The following CSMD1 variants were observed in gnomAD, a reference collection of about 807,000 sequenced individuals.
The protein encoded by CSMD1 is CUB and sushi domain-containing protein 1.
In CSMD1, 213 loss-of-function variants were observed where a neutral mutation model predicts 417.5. The ratio of observed to expected loss-of-function variants is 0.51; its 90% CI spans 0.46 to 0.57. The LOEUF (loss-of-function observed/expected upper bound fraction) is 0.57, where lower values mean the gene tolerates loss of function less well. Ranked by LOEUF, CSMD1 falls within the 20% of genes least tolerant of loss-of-function variation. The probability of loss-of-function intolerance (pLI) is 0.00; values close to 1 mark genes in which losing one functional copy is unlikely to be tolerated. For synonymous variants in CSMD1, 2,862 were observed against 1,736.8 expected (o/e 1.65, Z -16.11); for missense variants, 6,923 against 4,529.7 (o/e 1.53, Z -15.17).
rs114549135 is a variant in CSMD1 at position 3,576,157 on chromosome 8, G to A, written c.1223-1091C>T. ...CTCAGCTACAAAACTCAGCACAACA[G>A]GACTTGTGACTTAACAAGGGCTACT... On this transcript the variant is annotated intron_variant, in intron 9 of 69. Coordinates refer to ENST00000635120, the MANE Select transcript of CSMD1 (RefSeq NM_033225.6). Among the ~76,000 whole-genome samples, 1,087 of 152,046 alleles carry A rather than the reference G, an allele frequency of 7.1e-3. 14 individuals carry two copies. Among genetic ancestry groups the A allele is most frequent in the African/African-American group, 0.023 (974 of 41,452 alleles).
At chr8:3,419,424 G>C (rs1813350199) in intron 12 of CSMD1, among the ~76,000 whole-genome samples, 1 of 152,140 alleles carries the variant, frequency 6.6e-6, no homozygotes, top group East Asian at 1.9e-4. Flanking sequence ...TACTATTCTA[G>C]AATTTCTGTT....
intron 1 of CSMD1, among the ~76,000 whole-genome samples, chr8:4,648,485 G>T (rs990107375): frequency 6.6e-6 from 1 of 152,028 alleles, no homozygotes; most frequent in African/African-American, 2.4e-5. Context: ...ATGCATGCAT[G>T]CACACAAACA....
intron 23 of CSMD1, among the ~76,000 whole-genome samples, chr8:3,325,631 C>T (rs1054213926): frequency 6.6e-6 from 1 of 152,290 alleles, no homozygotes; most frequent in Non-Finnish European, 1.5e-5. Flanking sequence ...TGAGACCAGC[C>T]TGCTCAGCGT....
chr8:3,236,995 C>T (rs1424831892), intron 26 of CSMD1, among the ~76,000 whole-genome samples: 1 of 152,000 alleles, frequency 6.6e-6, no homozygotes, highest in East Asian at 1.9e-4. Flanking sequence ...AGGCTGCATC[C>T]AGAGCCATGC....
rs375492743 is a variant in CSMD1 at position 4,462,660 on chromosome 8, T to G, written c.303-42595A>C. ...GACACATGGATTAATGAAATAAAAT[T>G]CACGTTCCAGAGATAAAAACCACTG... is the stretch of plus-strand genomic sequence containing the variant. On this transcript the variant is annotated intron_variant, in intron 2 of 69. Coordinates refer to ENST00000635120, the MANE Select transcript of CSMD1 (RefSeq NM_033225.6). Among the ~76,000 whole-genome samples, 12 of 152,198 alleles carry G rather than the reference T, an allele frequency of 7.9e-5. No individual in the cohort carries two copies. The East Asian group carries it at 1.7e-3, about 22-fold the overall frequency.
In CSMD1 at chr8:4,739,262, A is replaced by G. The variant is rs62484601; in HGVS notation, c.86-101704T>C. Among the ~76,000 whole-genome samples the G allele has an allele frequency of 7.4e-3, 1,131 of 152,312 alleles. 11 individuals carry two copies. Among genetic ancestry groups the G allele is most frequent in the Middle Eastern group, 0.027 (8 of 294 alleles). On this transcript the variant is annotated intron_variant, in intron 1 of 69. Coordinates refer to ENST00000635120, the MANE Select transcript of CSMD1 (RefSeq NM_033225.6). ...CAAGTTCAGCTCTGTAAATATAGCA[A>G]TGCAGCAATTTCACTTGGAACTCCT...
At chr8:4,204,622 G>C (rs952751723) in intron 3 of CSMD1, among the ~76,000 whole-genome samples, 1 of 152,152 alleles carries the variant, frequency 6.6e-6, no homozygotes, top group Non-Finnish European at 1.5e-5. Flanking sequence ...TAAGGAGACA[G>C]TAGGCAACAA....
intron 3 of CSMD1, among the ~76,000 whole-genome samples, chr8:4,356,660 C>T (rs1362551604): frequency 6.6e-6 from 1 of 152,168 alleles, no homozygotes; most frequent in African/African-American, 2.4e-5. Context: ...AGTTCACATA[C>T]ACCTGTTAGT....
chr8:3,180,986 G>A (rs996322853), intron 37 of CSMD1, 124 bp downstream of exon 37: 3 of 670,920 alleles, frequency 4.5e-6, no homozygotes, highest in Middle Eastern at 6.8e-4. Context: ...TAAATTTCAT[G>A]CAAGTCTTTC....
intron 5 of CSMD1, among the ~76,000 whole-genome samples, chr8:3,978,727 A>G (rs117371606): frequency 0.012 from 1,764 of 152,186 alleles, 26 homozygotes; most frequent in Middle Eastern, 0.034. Context: ...ATTGATGTAA[A>G]AAGACATATC....
chr8:4,084,151 A>C (rs1220607938), intron 3 of CSMD1, among the ~76,000 whole-genome samples: 1 of 152,158 alleles, frequency 6.6e-6, no homozygotes, highest in Admixed American at 6.5e-5. Context: ...TATTTTTATA[A>C]AAGCAGAATA....
intron 10 of CSMD1, among the ~76,000 whole-genome samples, chr8:3,549,747 C>G (rs2116770153): frequency 6.6e-6 from 1 of 152,198 alleles, no homozygotes; most frequent in South Asian, 2.1e-4. Flanking sequence ...AAGGCGATCC[C>G]CAGATACAGT....
At chr8:4,695,491 C>T (rs1275735065) in intron 1 of CSMD1, among the ~76,000 whole-genome samples, 4 of 152,088 alleles carry the variant, frequency 2.6e-5, no homozygotes, top group Non-Finnish European at 2.9e-5. Context: ...TGATTTATCT[C>T]GATACCCTAA....
At chr8:4,023,669 C>T (rs1585151897) in intron 4 of CSMD1, among the ~76,000 whole-genome samples, 1 of 149,402 alleles carries the variant, frequency 6.7e-6, no homozygotes, top group Admixed American at 6.7e-5. Context: ...TCACTGCAAG[C>T]TCCGCCTCCA....
At chr8:3,536,228 C>T (rs1798192919) in intron 10 of CSMD1, among the ~76,000 whole-genome samples, 1 of 152,342 alleles carries the variant, frequency 6.6e-6, no homozygotes, top group Non-Finnish European at 1.5e-5. Flanking sequence ...CTCGAAGCAT[C>T]AATATTAATT....
chr8:4,944,969 G>A (rs77845628), intron 1 of CSMD1, among the ~76,000 whole-genome samples: 2 of 152,136 alleles, frequency 1.3e-5, no homozygotes, highest in African/African-American at 4.8e-5. Context: ...GTGTATCAGA[G>A]CTATTCAAAA....
At chr8:3,826,555 G>C (rs1288270871) in intron 5 of CSMD1, among the ~76,000 whole-genome samples, 2 of 152,068 alleles carry the variant, frequency 1.3e-5, no homozygotes, top group South Asian at 4.1e-4. Flanking sequence ...GCTGATATGA[G>C]CGCCTCTCTC....
chr8:4,604,347 A>T (rs1041846773), intron 2 of CSMD1, among the ~76,000 whole-genome samples: 1 of 149,876 alleles, frequency 6.7e-6, no homozygotes, highest in East Asian at 2.0e-4. Flanking sequence ...TATATATAAT[A>T]TATTATTCTA....
Position 3,230,217 on chromosome 8 carries a change from T to A in CSMD1, c.4168A>T (p.Thr1390Ser). The change falls in exon 27 of 70, where the codon ACC becomes TCC. Residue 1390 changes from threonine (T) to serine (S), a missense_variant. Transcript: ENST00000635120. The part of the protein sequence containing the change: ...SIQFSTSIAA[T>S]CNDPGMPQNG... The stretch of plus-strand genomic sequence containing the variant: ...TGGGGCATACCTGGATCGTTACAGG[T>A]GGCTGCAATTGAGGCTGCAAACAAA... The A allele has an allele frequency of 6.3e-7, 1 of 1,587,002 alleles. No individual in the cohort carries two copies. The highest frequency in any genetic ancestry group is 8.6e-7 in the Non-Finnish European group (1 of 1,166,144).
Sources: gnomAD v4.1 joint callset for allele counts (sites outside exome capture counted in the v4.1 genomes callset) on GRCh38, gnomAD v4.1.1 for gene constraint, MANE v1.5 for transcripts, NCBI Gene and HGNC (gene_info 2026-07-23, HGNC 2026-07-21) for gene names.